CDH12: variants seen among roughly 807,000 people sequenced by gnomAD.
CDH12 encodes cadherin-12.
In CDH12, 41 loss-of-function variants were observed where a neutral mutation model predicts 74.1. That is an observed-to-expected ratio of 0.55 (90% CI 0.43 to 0.72). CDH12 has a LOEUF of 0.72. Among genes scored for constraint, CDH12 ranks in the 30% least tolerant of loss-of-function variants. CDH12 has a pLI of 0.00. For missense variants in CDH12, 945 were observed against 977.2 expected (o/e 0.97, Z 0.44); for synonymous variants, 399 against 355.0 (o/e 1.12, Z -1.39).
chr5:21,787,224 C>A (rs571436574), intron 10 of CDH12, among the ~76,000 whole-genome samples: 11 of 152,220 alleles, frequency 7.2e-5, no homozygotes, highest in African/African-American at 2.4e-4. Context: ...CAGAGAAATA[C>A]TTTGTGAATG....
rs776183553 is a variant in CDH12, at chr5:21,751,758, A to G, written c.2364T>C (p.Tyr788=). 6.2e-7 allele frequency: 1 copy of G among 1,613,758 alleles called. No homozygotes were observed. The change falls in exon 15 of 15, where the codon TAT becomes TAC. Residue 788 remains tyrosine (Y), a synonymous_variant. Coordinates refer to ENST00000382254, the MANE Select transcript of CDH12 (RefSeq NM_004061.5). ...TCCCTTAAGTGACTTTATCAGGGTT[A>G]TAACTCTCTTCTTCGCCAAACATGT... ...LADMFGEEES[Y]NPDKVT is the part of the protein sequence containing the mutation.
At chr5:22,436,762 A>C (rs1744412608) in intron 2 of CDH12, among the ~76,000 whole-genome samples, 1 of 152,188 alleles carries the variant, frequency 6.6e-6, no homozygotes, top group East Asian at 1.9e-4. Flanking sequence ...AAAATAGTTC[A>C]ACTCTATAAT....
At chr5:22,586,473 A>C (rs1740406677) in intron 1 of CDH12, among the ~76,000 whole-genome samples, 1 of 140,894 alleles carries the variant, frequency 7.1e-6, no homozygotes, top group African/African-American at 2.6e-5. Context: ...TGTACCCTAG[A>C]ACTTAAAGTA....
intron 3 of CDH12, among the ~76,000 whole-genome samples, chr5:22,282,441 A>G (rs971560899): frequency 3.3e-5 from 5 of 152,208 alleles, no homozygotes; most frequent in Non-Finnish European, 4.4e-5. Context: ...AGAAACTATC[A>G]TCTGAGTAAA....
intron 6 of CDH12, among the ~76,000 whole-genome samples, chr5:21,972,595 A>G (rs1756900031): frequency 6.6e-6 from 1 of 152,164 alleles, no homozygotes. Flanking sequence ...AGGAACATAG[A>G]TGTAAGTTCT....
chr5:21,782,511 G>C (rs752707349), intron 11 of CDH12, among the ~76,000 whole-genome samples: 14 of 152,078 alleles, frequency 9.2e-5, no homozygotes, highest in Non-Finnish European at 1.5e-4. Flanking sequence ...TGGAAAGTGG[G>C]AATTAGCTGC....
At chr5:22,500,719 A>G (rs1747295563) in intron 2 of CDH12, among the ~76,000 whole-genome samples, 4 of 152,102 alleles carry the variant, frequency 2.6e-5, no homozygotes. Context: ...ATATTCCCTT[A>G]CGAGGTTAAG....
chr5:22,043,635 A>C (rs987731623), intron 5 of CDH12, among the ~76,000 whole-genome samples: 2 of 152,120 alleles, frequency 1.3e-5, no homozygotes, highest in Non-Finnish European at 2.9e-5. Flanking sequence ...CCAAATAGGA[A>C]AGCAGAACAT....
chr5:22,548,359 A>C (rs1738418124), intron 1 of CDH12, among the ~76,000 whole-genome samples: 1 of 152,172 alleles, frequency 6.6e-6, no homozygotes. Context: ...ATGCTTCTGC[A>C]ACCCTCCACT....
intron 5 of CDH12, among the ~76,000 whole-genome samples, chr5:22,043,453 G>A (rs1739712486): frequency 6.6e-6 from 1 of 151,886 alleles, no homozygotes. Context: ...GCTCAACACA[G>A]TCAAAAACAT....
At chr5:22,816,561 A>G (rs150368578) in intron 1 of CDH12, among the ~76,000 whole-genome samples, 1 of 152,330 alleles carries the variant, frequency 6.6e-6, no homozygotes, top group Non-Finnish European at 1.5e-5. Context: ...GACTAAGCCA[A>G]TTTAGCTACC....
At chr5:22,429,097 TTATTC>T (rs1473440407) in intron 2 of CDH12, among the ~76,000 whole-genome samples, 2 of 149,974 alleles carry the variant, frequency 1.3e-5, no homozygotes, top group Non-Finnish European at 3.0e-5. Flanking sequence ...TATCCCACTT[TTATTC>T]TATTTTATTT....
Position 22,217,419 on chromosome 5 carries a change from GT to G in CDH12, c.-332-4777del, listed in dbSNP as rs577544553. ...GACACATAATATTAACATATTTTGT[GT>G]TTTTAAAAGCACATTTCCAATTTAG... On this transcript the variant is annotated intron_variant, in intron 3 of 14. Transcript: ENST00000382254. 1.1e-3 allele frequency among the ~76,000 whole-genome samples: 168 copies of G among 151,758 alleles called. 1 individual carries two copies. Among genetic ancestry groups the G allele is most frequent in the Non-Finnish European group, 1.9e-3 (129 of 67,694 alleles).
intron 1 of CDH12, among the ~76,000 whole-genome samples, chr5:22,599,994 C>T (rs1273409755): frequency 6.6e-6 from 1 of 152,000 alleles, no homozygotes; most frequent in African/African-American, 2.4e-5. Flanking sequence ...AATGAGCACA[C>T]TATTAAAATA....
At chr5:21,803,832 A>G (rs912923428) in intron 9 of CDH12, among the ~76,000 whole-genome samples, 1 of 152,178 alleles carries the variant, frequency 6.6e-6, no homozygotes, top group Admixed American at 6.5e-5. Flanking sequence ...TAAAGGAAGG[A>G]TGGATATTTT....
chr5:21,831,663 T>A (rs13168350), intron 8 of CDH12, among the ~76,000 whole-genome samples: 9,171 of 151,760 alleles, frequency 0.06, 343 homozygotes, highest in East Asian at 0.15. Context: ...TTGTTATTAC[T>A]AAGTTGGCTA....
intron 1 of CDH12, among the ~76,000 whole-genome samples, chr5:22,517,540 A>C (rs1736861095): frequency 1.3e-5 from 2 of 152,176 alleles, no homozygotes; most frequent in Non-Finnish European, 2.9e-5. Context: ...GATAGCCTCC[A>C]TATGTGGAAG....
intron 7 of CDH12, among the ~76,000 whole-genome samples, chr5:21,854,311 T>C (rs1352396524): frequency 6.6e-6 from 1 of 151,700 alleles, no homozygotes; most frequent in African/African-American, 2.4e-5. Flanking sequence ...CATGTATTGT[T>C]AAAGCCCAAA....
chr5:21,950,733 A>G (rs1041107297), intron 6 of CDH12, among the ~76,000 whole-genome samples: 1 of 148,850 alleles, frequency 6.7e-6, no homozygotes, highest in Non-Finnish European at 1.5e-5. Context: ...GGTTATAGTA[A>G]TATATCAGCT....
Sources: allele counts gnomAD v4.1 joint callset (sites outside exome capture counted in the v4.1 genomes callset), GRCh38; gene constraint gnomAD v4.1.1; transcripts MANE v1.5; gene names NCBI Gene and HGNC (gene_info 2026-07-23, HGNC 2026-07-21).